CRYBG1: variants seen among roughly 807,000 people sequenced by gnomAD.
CRYBG1 encodes beta/gamma crystallin domain-containing protein 1.
A neutral mutation model predicts 189.2 loss-of-function variants in CRYBG1; 139 were observed. That is an observed-to-expected ratio of 0.73 (90% CI 0.64 to 0.85). The LOEUF is 0.85. CRYBG1 is among the 40% of genes least tolerant of loss of function. The probability of loss-of-function intolerance (pLI) is 0.00; values close to 1 mark genes in which losing one functional copy is unlikely to be tolerated. For missense variants in CRYBG1, 2,611 were observed against 2,675.8 expected (o/e 0.98, Z 0.53); for synonymous variants, 1,023 against 1,017.1 (o/e 1.01, Z -0.11).
chr6:106,483,834 T>TA (rs1772530966), intron 2 of CRYBG1, among the ~76,000 whole-genome samples: 1 of 152,224 alleles, frequency 6.6e-6, no homozygotes. Flanking sequence ...AAATGCCTAT[T>TA]AAGGTCTTTT....
chr6:106,465,128 T>C (rs1347889902), intron 2 of CRYBG1, among the ~76,000 whole-genome samples: 5 of 152,246 alleles, frequency 3.3e-5, no homozygotes, highest in African/African-American at 9.6e-5. Context: ...CATGGAATTT[T>C]GTAATATCTC....
At chr6:106,447,570 A>ATATATATATATATATATATATATATATC in intron 1 of CRYBG1, among the ~76,000 whole-genome samples, 3 of 138,820 alleles carry the variant, frequency 2.2e-5, no homozygotes, top group Admixed American at 7.5e-5. Context: ...ATATATATAT[A>ATATATATATATATATATATATATATATC]TATCTACTAT....
intron 1 of CRYBG1, among the ~76,000 whole-genome samples, chr6:106,429,703 T>C (rs1455232937): frequency 1.3e-5 from 2 of 152,210 alleles, no homozygotes; most frequent in Non-Finnish European, 2.9e-5. Flanking sequence ...CTGTGGACTG[T>C]AGGCCCATTA....
intron 2 of CRYBG1, among the ~76,000 whole-genome samples, chr6:106,461,640 G>C (rs1214395205): frequency 7.9e-5 from 12 of 152,142 alleles, no homozygotes; most frequent in Non-Finnish European, 1.3e-4. Context: ...CTATTGCCAA[G>C]AAAAAAGGCC....
intron 2 of CRYBG1, chr6:106,457,300 T>C (rs1771908711): frequency 6.6e-6 from 1 of 152,184 alleles, no homozygotes; most frequent in Admixed American, 6.5e-5. Flanking sequence ...CAGGTCTATC[T>C]GCCTTTTCTT....
At chr6:106,433,065 T>C (rs754341143) in intron 1 of CRYBG1, among the ~76,000 whole-genome samples, 3 of 152,056 alleles carry the variant, frequency 2.0e-5, no homozygotes, top group Non-Finnish European at 2.9e-5. Flanking sequence ...GGTCTCAAAC[T>C]CCTGACCTCA....
chr6:106,470,926 G>A (rs948056148), intron 2 of CRYBG1, among the ~76,000 whole-genome samples: 1 of 152,156 alleles, frequency 6.6e-6, no homozygotes, highest in Non-Finnish European at 1.5e-5. Flanking sequence ...GCTCAATAAA[G>A]AATCCTGGAA....
intron 1 of CRYBG1, among the ~76,000 whole-genome samples, chr6:106,435,589 A>T (rs112656366): frequency 6.7e-6 from 1 of 148,600 alleles, no homozygotes. Flanking sequence ...TGCAAATTTA[A>T]TTAATTAATT....
chr6:106,562,187 G>A (rs1774739406), intron 20 of CRYBG1, among the ~76,000 whole-genome samples: 1 of 152,178 alleles, frequency 6.6e-6, no homozygotes, highest in African/African-American at 2.4e-5. Context: ...ACACAGCCTT[G>A]CGAAAAGGAG....
At chr6:106,414,073 A>C (rs1465267078) in intron 1 of CRYBG1, among the ~76,000 whole-genome samples, 3 of 152,238 alleles carry the variant, frequency 2.0e-5, no homozygotes, top group Non-Finnish European at 4.4e-5. Context: ...CTCTCAGCAC[A>C]GCAAGCTCCT....
intron 1 of CRYBG1, among the ~76,000 whole-genome samples, chr6:106,387,348 G>A (rs1392275902): frequency 2.0e-5 from 3 of 152,166 alleles, no homozygotes; most frequent in African/African-American, 7.2e-5. Flanking sequence ...GGAAGCTGAG[G>A]AAGGTAATCT....
At chr6:106,375,496 A>G (rs1038653780) in intron 1 of CRYBG1, among the ~76,000 whole-genome samples, 1 of 152,134 alleles carries the variant, frequency 6.6e-6, no homozygotes, top group Non-Finnish European at 1.5e-5. Flanking sequence ...AAAAAGTATG[A>G]TGTGAACTGT....
intron 1 of CRYBG1, among the ~76,000 whole-genome samples, chr6:106,425,928 G>A (rs890107387): frequency 1.6e-4 from 24 of 152,188 alleles, no homozygotes; most frequent in African/African-American, 4.8e-4. Flanking sequence ...GTGAGCCACC[G>A]CTCCCAGCCA....
intron 1 of CRYBG1, among the ~76,000 whole-genome samples, chr6:106,364,705 C>G (rs1771948305): frequency 6.6e-6 from 1 of 152,238 alleles, no homozygotes; most frequent in Non-Finnish European, 1.5e-5. Flanking sequence ...GTGGCACTGT[C>G]ATTTACCACA....
rs1408416143 is a variant in CRYBG1 at position 106,571,902 on chromosome 6, G to A, written c.*3336G>A. The A allele has an allele frequency of 6.6e-6, 5 of 762,964 alleles. No homozygotes were observed. The highest frequency in any genetic ancestry group is 1.1e-5 in the Non-Finnish European group (5 of 441,884). The allele number at this position is 762,964 out of a possible 1,614,324, so 47.3% of individuals were successfully genotyped here. ...TATCATGGAATGTATAATCTAATCTGGAAAAATGTTTGAAAGGGATGGCTA... is the reference window on the plus strand; with the variant it reads ...TATCATGGAATGTATAATCTAATCTAGAAAAATGTTTGAAAGGGATGGCTA... On this transcript the variant is annotated 3_prime_UTR_variant, in exon 22 of 22. Transcript: ENST00000633556.
chr6:106,379,556 T>C lies in CRYBG1; in HGVS notation c.173+18475T>C, dbSNP rs36096680. Among the ~76,000 whole-genome samples, 1,276 of 151,840 alleles carry C rather than the reference T, an allele frequency of 8.4e-3. 15 individuals are homozygous for C. The highest frequency in any genetic ancestry group is 0.011 in the Non-Finnish European group (721 of 67,938). On this transcript the variant is annotated intron_variant, in intron 1 of 21. Coordinates refer to ENST00000633556, the MANE Select transcript of CRYBG1 (RefSeq NM_001371242.2). ...GATTACAGGCGTGAGCCACCGTGCCTGGCCTCTTTTCTTTTCTTTAAGAGA... is the reference window on the plus strand; with the variant it reads ...GATTACAGGCGTGAGCCACCGTGCCCGGCCTCTTTTCTTTTCTTTAAGAGA...
chr6:106,426,824 C>T (rs1000661791), intron 1 of CRYBG1, among the ~76,000 whole-genome samples: 3 of 152,214 alleles, frequency 2.0e-5, no homozygotes, highest in African/African-American at 7.2e-5. Context: ...AGAAGAGGGA[C>T]TAAGAGTTGC....
In CRYBG1 at chr6:106,397,006, C is replaced by T. The variant is rs145164965; in HGVS notation, c.173+35925C>T. On this transcript the variant is annotated intron_variant, in intron 1 of 21. Coordinates refer to ENST00000633556, the MANE Select transcript of CRYBG1 (RefSeq NM_001371242.2). ...ATACATGGATGTTTTTGATTGATTACGTCATGGTATGTAGAGACATCTAAA... is the reference window on the plus strand; with the variant it reads ...ATACATGGATGTTTTTGATTGATTATGTCATGGTATGTAGAGACATCTAAA... Among the ~76,000 whole-genome samples, 281 of 152,262 alleles carry T rather than the reference C, an allele frequency of 1.8e-3. 1 individual carries two copies. The highest frequency in any genetic ancestry group is 6.4e-3 in the African/African-American group (265 of 41,562).
intron 2 of CRYBG1, among the ~76,000 whole-genome samples, chr6:106,456,244 C>A (rs1412794261): frequency 6.6e-6 from 1 of 152,120 alleles, no homozygotes; most frequent in Non-Finnish European, 1.5e-5. Flanking sequence ...ACCTCTGCCT[C>A]CCAGGTTCAA....
Sources: gnomAD v4.1 joint callset for allele counts (sites outside exome capture counted in the v4.1 genomes callset) on GRCh38, gnomAD v4.1.1 for gene constraint, MANE v1.5 for transcripts, NCBI Gene and HGNC (gene_info 2026-07-23, HGNC 2026-07-21) for gene names.